The following NYAP2 variants were observed in gnomAD, a reference collection of about 807,000 sequenced individuals.
The protein encoded by NYAP2 is neuronal tyrosine-phosphorylated phosphoinositide-3-kinase adaptor 2, also known as neuronal tyrosine-phosphorylated phosphoinositide-3-kinase adapter 2.
NYAP2 carries 23 observed loss-of-function variants against 50.4 expected under a neutral mutation model. That is an observed-to-expected ratio of 0.46 (90% CI 0.33 to 0.65). The LOEUF is 0.65. Ranked by LOEUF, NYAP2 falls within the 30% of genes least tolerant of loss-of-function variation. The pLI, the probability that NYAP2 is intolerant of heterozygous loss-of-function variation, is 0.02. For missense variants in NYAP2, 885 were observed against 861.0 expected (o/e 1.03, Z -0.35); for synonymous variants, 394 against 365.2 (o/e 1.08, Z -0.90).
At chr2:225,554,697 G>A (rs937489516) in intron 4 of NYAP2, among the ~76,000 whole-genome samples, 4 of 152,054 alleles carry the variant, frequency 2.6e-5, no homozygotes, top group African/African-American at 9.7e-5. Context: ...GGGGCAAAGG[G>A]AGAGATGATG....
the NYAP2 span, among the ~76,000 whole-genome samples, chr2:225,682,006 T>G: frequency 3.3e-5 from 5 of 152,332 alleles, no homozygotes; most frequent in Admixed American, 3.3e-4. Flanking sequence ...AGCATTTCAA[T>G]TATTATTACT....
intron 6 of NYAP2, among the ~76,000 whole-genome samples, chr2:225,628,316 T>G (rs77467422): frequency 9.8e-5 from 10 of 102,268 alleles, no homozygotes; most frequent in Non-Finnish European, 2.1e-4. Context: ...GAACACATAG[T>G]TTTTTTTTTT....
chr2:225,625,376 A>C (rs1297421406), intron 5 of NYAP2, among the ~76,000 whole-genome samples: 2 of 152,210 alleles, frequency 1.3e-5, no homozygotes, highest in African/African-American at 4.8e-5. Flanking sequence ...TTAAAAACGC[A>C]AAACAAACAA....
chr2:225,540,009 A>T (rs1181585662), intron 4 of NYAP2, among the ~76,000 whole-genome samples: 2 of 152,182 alleles, frequency 1.3e-5, no homozygotes, highest in African/African-American at 4.8e-5. Flanking sequence ...CTCTTAGCTA[A>T]AACATAACAA....
At chr2:225,555,578 C>T (rs1251141526) in intron 4 of NYAP2, among the ~76,000 whole-genome samples, 1 of 152,176 alleles carries the variant, frequency 6.6e-6, no homozygotes, top group Non-Finnish European at 1.5e-5. Context: ...ACCCATCCAT[C>T]TAGTTTTCAA....
In NYAP2 at chr2:225,582,446, C is replaced by T. The variant is rs1559221187; in HGVS notation, c.1029C>T (p.Pro343=). 1.9e-6 allele frequency: 3 copies of T among 1,563,130 alleles called. No individual in the cohort carries two copies. Among genetic ancestry groups the T allele is most frequent in the East Asian group, 2.3e-5 (1 of 44,164 alleles). Residue 343 remains proline (P), a synonymous_variant, in exon 5 of 7, where the codon CCC becomes CCT. Transcript: ENST00000636099. The surrounding 1 kb of genome is among the most constrained non-coding windows in gnomAD (Gnocchi z 7.0). ...CGCTGCTGGTATTTCCCCCCGCCCC[C>T]GTGCATTGCTCCCCCAACTCCGACG... is the stretch of plus-strand genomic sequence containing the variant.
chr2:225,447,333 G>A (rs1689579010), intron 3 of NYAP2, among the ~76,000 whole-genome samples: 1 of 152,102 alleles, frequency 6.6e-6, no homozygotes, highest in South Asian at 2.1e-4. Flanking sequence ...GTTTTTGTTT[G>A]TTTGTTTCTA....
the NYAP2 span, among the ~76,000 whole-genome samples, chr2:225,694,692 C>A: frequency 6.6e-6 from 1 of 151,600 alleles, no homozygotes; most frequent in Admixed American, 6.6e-5. Flanking sequence ...TAAATGGAAA[C>A]AAATTGATAG....
In NYAP2 at chr2:225,484,353, C is replaced by G. The variant is rs374448851; in HGVS notation, c.222-29018C>G. Among the ~76,000 whole-genome samples, 11 of 152,264 alleles carry G rather than the reference C, an allele frequency of 7.2e-5. No homozygotes were observed. In the East Asian group the frequency reaches 1.2e-3, roughly 16 times the overall value. On this transcript the variant is annotated intron_variant, in intron 3 of 6. Coordinates refer to ENST00000636099, the Ensembl canonical transcript of NYAP2. ...AGGAGGGCAGCCCTTCACTGGGGCTCGGCCACTTATATCTGCAGCTTCAGG... is the reference window on the plus strand; with the variant it reads ...AGGAGGGCAGCCCTTCACTGGGGCTGGGCCACTTATATCTGCAGCTTCAGG...
the NYAP2 span, among the ~76,000 whole-genome samples, chr2:225,673,283 G>A: frequency 6.6e-6 from 1 of 152,042 alleles, no homozygotes; most frequent in South Asian, 2.1e-4. Context: ...TTCAAGATGA[G>A]ATTTGGTTTG....
chr2:225,398,843 C>T (rs551130438), upstream of NYAP2, among the ~76,000 whole-genome samples: 5 of 152,054 alleles, frequency 3.3e-5, no homozygotes, highest in African/African-American at 9.6e-5. Flanking sequence ...GAATGCACTT[C>T]AGGACATGTA....
chr2:225,485,520 C>T (rs762257434), intron 3 of NYAP2, among the ~76,000 whole-genome samples: 1 of 152,106 alleles, frequency 6.6e-6, no homozygotes. Flanking sequence ...GAATGTACTC[C>T]CTTTAGACTC....
At chr2:225,515,273 T>C (rs1236970414) in intron 4 of NYAP2, among the ~76,000 whole-genome samples, 2 of 152,246 alleles carry the variant, frequency 1.3e-5, no homozygotes, top group African/African-American at 4.8e-5. Context: ...ATTTGCAAAA[T>C]TGACATCATA....
intron 3 of NYAP2, among the ~76,000 whole-genome samples, chr2:225,500,146 G>C (rs1048487417): frequency 1.3e-5 from 2 of 152,182 alleles, no homozygotes; most frequent in African/African-American, 4.8e-5. Context: ...CCTCTCATTG[G>C]AGAACAACAA....
the NYAP2 span, among the ~76,000 whole-genome samples, chr2:225,668,441 C>T: frequency 2.0e-5 from 3 of 152,070 alleles, no homozygotes. Flanking sequence ...ATGGGGGCTG[C>T]CTCAGATTTT....
At chr2:225,441,985 T>A (rs140346572) in intron 3 of NYAP2, among the ~76,000 whole-genome samples, 2 of 152,334 alleles carry the variant, frequency 1.3e-5, no homozygotes, top group East Asian at 3.9e-4. Context: ...ATCACCATCC[T>A]CATTATTAAT....
the NYAP2 span, among the ~76,000 whole-genome samples, chr2:225,696,090 CAAT>C: frequency 6.6e-6 from 1 of 151,868 alleles, no homozygotes; most frequent in Non-Finnish European, 1.5e-5. Context: ...ATACATACAA[CAAT>C]AACTATTATT....
chr2:225,548,519 G>A (rs1030812423), intron 4 of NYAP2, among the ~76,000 whole-genome samples: 1 of 151,936 alleles, frequency 6.6e-6, no homozygotes, highest in Admixed American at 6.6e-5. Flanking sequence ...GAGAGTTGGA[G>A]GTTTACTGGG....
intron 4 of NYAP2, among the ~76,000 whole-genome samples, chr2:225,570,890 TG>T (rs1692058431): frequency 6.6e-6 from 1 of 152,222 alleles, no homozygotes; most frequent in African/African-American, 2.4e-5. Context: ...CCTATGAGCC[TG>T]TAAAATCAAA....
Sources: gnomAD v4.1 joint callset for allele counts (sites outside exome capture counted in the v4.1 genomes callset) on GRCh38, gnomAD v4.1.1 for gene constraint, Gnocchi (gnomAD v3.1) non-coding constraint, MANE v1.5 for transcripts, NCBI Gene and HGNC (gene_info 2026-07-23, HGNC 2026-07-21) for gene names.